The following TARM1 variants were observed in gnomAD, a reference collection of about 807,000 sequenced individuals.
TARM1 encodes the protein T cell-interacting, activating receptor on myeloid cells 1, also known as T-cell-interacting, activating receptor on myeloid cells protein 1.
A neutral mutation model predicts 30.4 loss-of-function variants in TARM1; 24 were observed. The ratio of observed to expected loss-of-function variants is 0.79; its 90% CI spans 0.57 to 1.11. The LOEUF is 1.11. Ranked by LOEUF, TARM1 falls within the 50% of genes least tolerant of loss-of-function variation. TARM1 has a pLI of 0.00. For missense variants in TARM1, 323 were observed against 332.8 expected (o/e 0.97, Z 0.23); for synonymous variants, 129 against 138.9 (o/e 0.93, Z 0.50).
chr19:54,078,758 C>T (rs1156545953), intron 1 of TARM1, among the ~76,000 whole-genome samples: 2 of 152,058 alleles, frequency 1.3e-5, no homozygotes, highest in African/African-American at 4.8e-5. Context: ...CTGCCTCAGA[C>T]TCTCAAAGTG....
chr19:54,074,222 A>G lies in TARM1; in HGVS notation c.362-6T>C. 6.5e-7 allele frequency: 1 copy of G among 1,548,340 alleles called. No individual in the cohort carries two copies. The highest frequency in any genetic ancestry group is 8.7e-7 in the Non-Finnish European group (1 of 1,144,228). On this transcript the variant is annotated splice_polypyrimidine_tract_variant and splice_region_variant and intron_variant, in intron 3 of 4. Transcript: ENST00000432826. ...GAAAGGTTTAGATAAATGTCCTGTA[A>G]GAGAAGTCAGGTTCTGAGGTCCTGG... is the stretch of plus-strand genomic sequence containing the variant.
chr19:54,072,327 C>G (rs2071832767), intron 4 of TARM1, among the ~76,000 whole-genome samples: 1 of 152,096 alleles, frequency 6.6e-6, no homozygotes, highest in Non-Finnish European at 1.5e-5. Context: ...TAACTCATTA[C>G]AGCAGTTACA....
chr19:54,076,720 G>A (rs1473377370), intron 1 of TARM1, among the ~76,000 whole-genome samples: 1 of 151,866 alleles, frequency 6.6e-6, no homozygotes, highest in Non-Finnish European at 1.5e-5. Flanking sequence ...GTCTCTCTCT[G>A]TTGCCCAGGT....
intron 1 of TARM1, 140 bp downstream of exon 1, chr19:54,081,167 C>T: frequency 1.3e-6 from 1 of 752,316 alleles, no homozygotes; most frequent in Non-Finnish European, 2.2e-6. Context: ...GGAATGTCTG[C>T]AGTGCACTCA....
At chr19:54,073,487 T>C (rs2071864282) in intron 4 of TARM1, among the ~76,000 whole-genome samples, 1 of 150,606 alleles carries the variant, frequency 6.6e-6, no homozygotes, top group African/African-American at 2.4e-5. Flanking sequence ...GTTGTTTTTG[T>C]TTTTGTTTTT....
In TARM1 at chr19:54,076,326, T is replaced by TTTTC. The variant is rs759392068; in HGVS notation, c.35-412_35-409dup. On this transcript the variant is annotated intron_variant, in intron 1 of 4. Coordinates refer to ENST00000432826, the MANE Select transcript of TARM1 (RefSeq NM_001135686.3). ...AGACAGAGTCTCGCTCTTTCTTTCTTTTTCTTTCTTTCTTTCTTTCTTTCA... is the reference window on the plus strand; with the variant it reads ...AGACAGAGTCTCGCTCTTTCTTTCTTTTTCTTTCTTTCTTTCTTTCTTTCTTTCA... 1.9e-3 allele frequency: 1,077 copies of TTTTC among 562,342 alleles called. 9 individuals are homozygous for TTTTC. In the African/African-American group the frequency reaches 0.02, roughly 10 times the overall value. 34.8% of individuals were successfully genotyped at this position (562,342 alleles called of 1,614,324 possible). A position where few individuals can be genotyped will look rare whatever the true frequency, so the allele number is the denominator to read the frequency against.
At chr19:54,072,517 T>G (rs2071837012) in intron 4 of TARM1, among the ~76,000 whole-genome samples, 1 of 152,040 alleles carries the variant, frequency 6.6e-6, no homozygotes, top group African/African-American at 2.4e-5. Context: ...GATAATTTTT[T>G]TTTTAAATTT....
Position 54,073,945 on chromosome 19 carries a change from A to T in TARM1, c.633T>A (p.Ser211Arg), listed in dbSNP as rs2071874703. The T allele has an allele frequency of 6.4e-7, 1 of 1,551,574 alleles. No homozygotes were observed. Among genetic ancestry groups the T allele is most frequent in the Admixed American group, 2.0e-5 (1 of 50,974 alleles). ...CTGTCACCAATATCTCAAGCTGATC[A>T]CTGGGTTCTGAGGCCCAGAAGGGAG... ...TKSPFWASEP[S>R]DQLEILVTVP... The change falls in exon 4 of 5, where the codon AGT becomes AGA. Residue 211 changes from serine to arginine, a missense_variant. Ser to Arg is a moderately radical substitution (Grantham distance 110, BLOSUM62 -1). Coordinates refer to ENST00000432826, the MANE Select transcript of TARM1 (RefSeq NM_001135686.3).
In TARM1 at chr19:54,081,296, G is replaced by A; in HGVS notation, c.34+11C>T. 1 of 1,548,584 alleles carries A rather than the reference G, an allele frequency of 6.5e-7. No individual in the cohort carries two copies. The highest frequency in any genetic ancestry group is 8.7e-7 in the Non-Finnish European group (1 of 1,146,020). On this transcript the variant is annotated intron_variant, in intron 1 of 4. Transcript: ENST00000432826. Reference sequence around the variant, plus strand: ...TTCTGCAGTCCCAGTGGATAGCCCTGTGAGACTTACTGAAACAGAGGAGGG... The same window carrying A: ...TTCTGCAGTCCCAGTGGATAGCCCTATGAGACTTACTGAAACAGAGGAGGG...
Position 54,074,178 on chromosome 19 carries a change from C to A in TARM1, c.400G>T (p.Gly134Cys). ...ACCCTTCCACCTGCGGTCACTGTAC[C>A]CCTTTGGTAGGTTCGGAGGAAAGGT... The part of the protein sequence containing the change: ...SKPFLRTYQR[G>C]TVTAGGRVTL... Residue 134 changes from glycine (G) to cysteine (C), a missense_variant, in exon 4 of 5, where the codon GGT becomes TGT. Coordinates refer to ENST00000432826, the MANE Select transcript of TARM1 (RefSeq NM_001135686.3). 1 of 1,551,650 alleles carries A rather than the reference C, an allele frequency of 6.4e-7. No individual in the cohort carries two copies. The highest frequency in any genetic ancestry group is 8.7e-7 in the Non-Finnish European group (1 of 1,146,986).
chr19:54,080,137 AAGAAAGC>A, intron 1 of TARM1, among the ~76,000 whole-genome samples: 1 of 74,444 alleles, frequency 1.3e-5, no homozygotes, highest in Admixed American at 1.6e-4. Flanking sequence ...GGAAGGAAGG[AAGAAAGC>A]AAGCAAGCAA....
intron 4 of TARM1, 128 bp from the exon 5 acceptor site, chr19:54,070,288 A>ATG: frequency 7.4e-7 from 1 of 1,359,054 alleles, no homozygotes; most frequent in Non-Finnish European, 9.7e-7. Context: ...TTTGAGACGG[A>ATG]GTTTTACTCT....
At position 54,081,316 on chromosome 19, in the gene TARM1, G is replaced by A. The variant is rs983103351; in HGVS notation, c.25C>T (p.Leu9Phe). The change falls in exon 1 of 5, where the codon CTC becomes TTC. Residue 9 changes from leucine (L) to phenylalanine (F), a missense_variant. Leu to Phe is a conservative substitution (Grantham distance 22, BLOSUM62 0). Transcript: ENST00000432826. MIPKLLSL[L>F]CFRLCVGQGD... Reference sequence around the variant, plus strand: ...GCCCTGTGAGACTTACTGAAACAGAGGAGGGAAAGCAGCTTAGGGATCATG... The same window carrying A: ...GCCCTGTGAGACTTACTGAAACAGAAGAGGGAAAGCAGCTTAGGGATCATG... The A allele has an allele frequency of 6.5e-7, 1 of 1,547,742 alleles. No homozygotes were observed. The highest frequency in any genetic ancestry group is 8.7e-7 in the Non-Finnish European group (1 of 1,145,596).
chr19:54,080,135 G>A (rs2072074254), intron 1 of TARM1, among the ~76,000 whole-genome samples: 2 of 67,070 alleles, frequency 3.0e-5, no homozygotes, highest in Non-Finnish European at 6.4e-5. Context: ...AAGGAAGGAA[G>A]GAAGAAAGCA....
chr19:54,075,963 A>C, intron 1 of TARM1, 45 bp from the exon 2 acceptor site: 1 of 1,548,978 alleles, frequency 6.5e-7, no homozygotes, highest in Non-Finnish European at 8.7e-7. Flanking sequence ...ACCTGGAGCC[A>C]CGTCACCCCC....
chr19:54,074,276 CT>C, intron 3 of TARM1, 60 bp from the exon 4 acceptor site: 1 of 1,463,140 alleles, frequency 6.8e-7, no homozygotes, highest in Non-Finnish European at 9.3e-7. Context: ...CCACTCACCC[CT>C]GTTCTCCTGG....
chr19:54,079,264 CGA>C (rs1568510370), intron 1 of TARM1, among the ~76,000 whole-genome samples: 1 of 44,314 alleles, frequency 2.3e-5, no homozygotes, highest in Non-Finnish European at 5.0e-5. Flanking sequence ...ACTCCATCTC[CGA>C]AAAAAAAAAA....
chr19:54,074,882 T>C lies in TARM1; in HGVS notation c.303A>G (p.Arg101=). Residue 101 remains arginine, a synonymous_variant, in exon 3 of 5, where the codon AGA becomes AGG. Transcript: ENST00000432826. ...GTGAAAGGATGTGGGGGGATGCTTT[T>C]CTGTAGTATTCACAGGTGTACTCTC... is the stretch of plus-strand genomic sequence containing the variant. ...NAGEYTCEYY[R]KASPHILSQH... 2 of 1,551,682 alleles carry C rather than the reference T, an allele frequency of 1.3e-6. No homozygotes were observed. Among genetic ancestry groups the C allele is most frequent in the Non-Finnish European group, 1.7e-6 (2 of 1,146,988 alleles).
intron 1 of TARM1, among the ~76,000 whole-genome samples, chr19:54,077,167 G>C (rs1165156745): frequency 8.6e-5 from 13 of 152,000 alleles, no homozygotes; most frequent in African/African-American, 3.1e-4. Flanking sequence ...TGGATCACGA[G>C]GTCAGGAGTT....
Sources: gnomAD v4.1 joint callset for allele counts (sites outside exome capture counted in the v4.1 genomes callset) on GRCh38, gnomAD v4.1.1 for gene constraint, MANE v1.5 for transcripts, NCBI Gene and HGNC (gene_info 2026-07-23, HGNC 2026-07-21) for gene names.